Variants in SRPK1 observed in about 807,000 individuals in gnomAD.
SRPK1 encodes the protein SFRS protein kinase 1.
SRPK1 carries 52 observed loss-of-function variants against 89.5 expected under a neutral mutation model. The ratio of observed to expected loss-of-function variants is 0.58; its 90% CI spans 0.46 to 0.73. SRPK1 has a LOEUF of 0.73. Ranked by LOEUF, SRPK1 falls within the 30% of genes least tolerant of loss-of-function variation. The probability of loss-of-function intolerance (pLI) is 0.00; values close to 1 mark genes in which losing one functional copy is unlikely to be tolerated. For synonymous variants in SRPK1, 255 were observed against 270.2 expected (o/e 0.94, Z 0.55); for missense variants, 603 against 780.6 (o/e 0.77, Z 2.71).
At chr6:35,873,483 A>G (rs903922882) in intron 7 of SRPK1, among the ~76,000 whole-genome samples, 4 of 148,224 alleles carry the variant, frequency 2.7e-5, no homozygotes, top group African/African-American at 9.9e-5. Flanking sequence ...ATTTAATTTT[A>G]GCAATTAACT....
At chr6:35,907,608 G>A (rs1770875570) in intron 2 of SRPK1, among the ~76,000 whole-genome samples, 6 of 152,096 alleles carry the variant, frequency 3.9e-5, no homozygotes. Context: ...GGGAGGCTGA[G>A]GCAGGAGAAT....
intron 4 of SRPK1, 125 bp from the exon 5 acceptor site, chr6:35,888,236 G>A: frequency 1.9e-6 from 1 of 524,308 alleles, no homozygotes; most frequent in African/African-American, 2.0e-5. Context: ...GCCCAAACAA[G>A]CTACTTCTAT....
In SRPK1 at chr6:35,861,509, G is replaced by C. The variant is rs144438571; in HGVS notation, c.1513-4141C>G. Among the ~76,000 whole-genome samples the C allele has an allele frequency of 3.1e-3, 469 of 152,304 alleles. 2 individuals carry two copies. The highest frequency in any genetic ancestry group is 0.011 in the African/African-American group (447 of 41,558). ...CTCTGAGGAGGAAGAGGGGAGGCTA[G>C]GCACTCTCATGCACTCCTGGGAGGG... is the stretch of plus-strand genomic sequence containing the variant. On this transcript the variant is annotated intron_variant, in intron 12 of 15. Transcript: ENST00000373825.
chr6:35,908,753 A>G (rs965561287), intron 2 of SRPK1, among the ~76,000 whole-genome samples: 4 of 152,362 alleles, frequency 2.6e-5, no homozygotes, highest in Admixed American at 2.6e-4. Context: ...TCGTCAGGGC[A>G]TGTCAGAGAT....
In SRPK1 at chr6:35,921,035, A is replaced by T. The variant is rs200178316; in HGVS notation, c.13+9T>A. The stretch of plus-strand genomic sequence containing the variant: ...TGCCCCTCGTGGCGGAGGCCGCTCC[A>T]CCGCTCACCTTTCCGCTCCATGGTG... On this transcript the variant is annotated intron_variant, in intron 1 of 15. Transcript: ENST00000373825. 494 of 1,544,894 alleles carry T rather than the reference A, an allele frequency of 3.2e-4. No individual in the cohort carries two copies. In the African/African-American group the frequency reaches 6.2e-3, roughly 20 times the overall value.
At chr6:35,848,986 C>T (rs1769480691) in intron 13 of SRPK1, among the ~76,000 whole-genome samples, 1 of 152,106 alleles carries the variant, frequency 6.6e-6, no homozygotes, top group East Asian at 1.9e-4. Flanking sequence ...TGAATACAGA[C>T]AAATGGGATA....
intron 2 of SRPK1, among the ~76,000 whole-genome samples, chr6:35,897,325 A>C (rs1483766384): frequency 6.6e-6 from 1 of 152,240 alleles, no homozygotes; most frequent in Admixed American, 6.5e-5. Flanking sequence ...AATCATAGCA[A>C]GAATTTATGG....
chr6:35,921,087 C>A lies in SRPK1; in HGVS notation c.-31G>T. 6.7e-7 allele frequency: 1 copy of A among 1,489,952 alleles called. No individual in the cohort carries two copies. The highest frequency in any genetic ancestry group is 1.3e-5 in the South Asian group (1 of 78,656). The allele number at this position is 1,489,952 out of a possible 1,614,324, so 92.3% of individuals were successfully genotyped here. ...GACCGGTAATCGCCAGGCGCCTGCG[C>A]ACTCGAGTGGCGGCGACTCCCGCTC... On this transcript the variant is annotated 5_prime_UTR_variant, in exon 1 of 16. Transcript: ENST00000373825.
chr6:35,890,802 T>A lies in SRPK1; in HGVS notation c.193+93A>T, dbSNP rs571113688. 7.7e-5 allele frequency: 88 copies of A among 1,143,092 alleles called. 2 individuals are homozygous for A. In the South Asian group the frequency reaches 1.6e-3, roughly 21 times the overall value. The allele number at this position is 1,143,092 out of a possible 1,614,324, so 70.8% of individuals were successfully genotyped here. A position where few individuals can be genotyped will look rare whatever the true frequency, so the allele number is the denominator to read the frequency against. On this transcript the variant is annotated intron_variant, in intron 3 of 15. Transcript: ENST00000373825. ...AGAAAAGGATACAAGTAAACAGCAATAAAACTGTGTTTATGCTGATAGATC... is the reference window on the plus strand; with the variant it reads ...AGAAAAGGATACAAGTAAACAGCAAAAAAACTGTGTTTATGCTGATAGATC...
intron 15 of SRPK1, among the ~76,000 whole-genome samples, chr6:35,837,052 T>C (rs1030406553): frequency 6.6e-6 from 1 of 152,112 alleles, no homozygotes; most frequent in Non-Finnish European, 1.5e-5. Flanking sequence ...ACAATGGGGG[T>C]AGAAAAACCA....
chr6:35,835,560 C>T (rs1030829785), intron 15 of SRPK1, 72 bp from the exon 16 acceptor site: 2 of 1,389,784 alleles, frequency 1.4e-6, no homozygotes, highest in African/African-American at 2.9e-5. Context: ...TGTGGAAACC[C>T]ACAAACTAAC....
chr6:35,884,150 A>C (rs1358692717), intron 6 of SRPK1, among the ~76,000 whole-genome samples: 1 of 152,204 alleles, frequency 6.6e-6, no homozygotes, highest in Non-Finnish European at 1.5e-5. Context: ...ATTATGAATA[A>C]GAGGAGCTAG....
At chr6:35,893,893 C>T (rs1477302910) in intron 2 of SRPK1, among the ~76,000 whole-genome samples, 1 of 152,052 alleles carries the variant, frequency 6.6e-6, no homozygotes, top group Admixed American at 6.5e-5. Context: ...CGCCTGTAAT[C>T]GCAGCTACTC....
intron 6 of SRPK1, among the ~76,000 whole-genome samples, chr6:35,885,813 A>G (rs1278966674): frequency 6.6e-6 from 1 of 152,194 alleles, no homozygotes; most frequent in Non-Finnish European, 1.5e-5. Flanking sequence ...ACCGCACGTC[A>G]CTTTGATACC....
chr6:35,847,213 CT>C (rs374419042), intron 13 of SRPK1, among the ~76,000 whole-genome samples: 1 of 152,034 alleles, frequency 6.6e-6, no homozygotes, highest in Admixed American at 6.6e-5. Flanking sequence ...GATAACATAA[CT>C]TTTTTTTGGC....
At chr6:35,893,630 A>C (rs1414150480) in intron 2 of SRPK1, among the ~76,000 whole-genome samples, 1 of 151,364 alleles carries the variant, frequency 6.6e-6, no homozygotes, top group East Asian at 1.9e-4. Context: ...TAAACTGGAA[A>C]GAACAAATGC....
chr6:35,838,114 C>T (rs1769223314), intron 15 of SRPK1, among the ~76,000 whole-genome samples: 1 of 152,016 alleles, frequency 6.6e-6, no homozygotes, highest in Non-Finnish European at 1.5e-5. Flanking sequence ...GTGATTCGCC[C>T]ACCTTGGTCT....
Position 35,845,258 on chromosome 6 carries a change from T to A in SRPK1, c.1621-2654A>T, listed in dbSNP as rs560634175. ...GAAATGAAATGTAAACTACTGACTT[T>A]GGTTAATAATGATGTGCCAATGTAG... On this transcript the variant is annotated intron_variant, in intron 13 of 15. Coordinates refer to ENST00000373825, the MANE Select transcript of SRPK1 (RefSeq NM_003137.5). Among the ~76,000 whole-genome samples the A allele has an allele frequency of 2.1e-5, 3 of 144,580 alleles. No homozygotes were observed. In the South Asian group the frequency reaches 7.1e-4, roughly 34 times the overall value. The allele number at this position is 144,580 out of a possible 152,430, so 94.9% of individuals were successfully genotyped here.
At chr6:35,914,135 C>T (rs1156773583) in intron 2 of SRPK1, among the ~76,000 whole-genome samples, 2 of 151,860 alleles carry the variant, frequency 1.3e-5, no homozygotes, top group Non-Finnish European at 2.9e-5. Context: ...ACCATGACGC[C>T]CGGCTAATTT....
Sources: allele counts gnomAD v4.1 joint callset (sites outside exome capture counted in the v4.1 genomes callset), GRCh38; gene constraint gnomAD v4.1.1; transcripts MANE v1.5; gene names NCBI Gene and HGNC (gene_info 2026-07-23, HGNC 2026-07-21).